Variants in RAB38 observed in about 807,000 individuals in gnomAD.
RAB38 encodes the protein RAB38, member RAS oncogene family, also known as ras-related protein Rab-38.
Under a neutral mutation model 18.4 loss-of-function variants are expected in RAB38, and 15 were observed. That is an observed-to-expected ratio of 0.82 (90% CI 0.55 to 1.26). The LOEUF (loss-of-function observed/expected upper bound fraction) is 1.26, where lower values mean the gene tolerates loss of function less well. Among genes scored for constraint, RAB38 ranks in the 50% most tolerant of loss-of-function variants. The pLI is 0.00. For synonymous variants in RAB38, 101 were observed against 104.4 expected (o/e 0.97, Z 0.20); for missense variants, 294 against 267.4 (o/e 1.10, Z -0.69).
At chr11:88,052,365 G>C in the RAB38 span, among the ~76,000 whole-genome samples, 103 of 152,234 alleles carry the variant, frequency 6.8e-4, 1 homozygote, top group African/African-American at 2.4e-3. Flanking sequence ...GAAGAGTTTG[G>C]TGCTGAAAAT....
intron 2 of RAB38, among the ~76,000 whole-genome samples, chr11:88,118,636 ACT>A (rs1463118425): frequency 1.3e-5 from 2 of 152,158 alleles, no homozygotes; most frequent in Non-Finnish European, 2.9e-5. Flanking sequence ...AAATGTATAT[ACT>A]CTGACTTCCA....
At chr11:88,029,137 T>C in the RAB38 span, among the ~76,000 whole-genome samples, 1 of 151,936 alleles carries the variant, frequency 6.6e-6, no homozygotes, top group Non-Finnish European at 1.5e-5. Flanking sequence ...CTAAGCTTCA[T>C]AAGCGAAGGA....
chr11:88,138,049 G>C (rs931752645), intron 2 of RAB38, among the ~76,000 whole-genome samples: 1 of 152,180 alleles, frequency 6.6e-6, no homozygotes, highest in Admixed American at 6.5e-5. Context: ...AGGAGGCTAT[G>C]TTCCAGCAAA....
At chr11:87,826,432 C>A in the RAB38 span, among the ~76,000 whole-genome samples, 3 of 151,990 alleles carry the variant, frequency 2.0e-5, no homozygotes, top group Non-Finnish European at 4.4e-5. Flanking sequence ...TCTTTTATTA[C>A]TTAAAAGCAT....
At chr11:88,073,900 C>T in the RAB38 span, among the ~76,000 whole-genome samples, 1 of 151,604 alleles carries the variant, frequency 6.6e-6, no homozygotes, top group African/African-American at 2.4e-5. Flanking sequence ...CTGGAAAATT[C>T]ACTAGAGAGT....
the RAB38 span, among the ~76,000 whole-genome samples, chr11:87,884,267 T>A: frequency 6.6e-6 from 1 of 152,060 alleles, no homozygotes; most frequent in South Asian, 2.1e-4. Context: ...AGAGTGGGGA[T>A]ATGTGTCAGA....
the RAB38 span, among the ~76,000 whole-genome samples, chr11:88,045,330 T>C: frequency 4.6e-5 from 7 of 152,160 alleles, 1 homozygote; most frequent in South Asian, 1.4e-3. Context: ...AGTAGCAACA[T>C]ATTTCTGAGT....
downstream of RAB38, among the ~76,000 whole-genome samples, chr11:88,108,732 T>C (rs182767420): frequency 6.6e-6 from 1 of 152,222 alleles, no homozygotes; most frequent in Admixed American, 6.5e-5. Context: ...AGTTTCTTCA[T>C]AGTGTCGATG....
the RAB38 span, among the ~76,000 whole-genome samples, chr11:87,940,196 A>C: frequency 6.6e-6 from 1 of 151,204 alleles, no homozygotes; most frequent in Non-Finnish European, 1.5e-5. Context: ...AGAGAGGGAG[A>C]AAAGCAGCAT....
At chr11:88,152,425 G>T (rs1437334208) in intron 1 of RAB38, among the ~76,000 whole-genome samples, 1 of 152,230 alleles carries the variant, frequency 6.6e-6, no homozygotes, top group Non-Finnish European at 1.5e-5. Flanking sequence ...ATATGTGTGT[G>T]TGTGTATATA....
At chr11:88,031,326 G>A in the RAB38 span, among the ~76,000 whole-genome samples, 43 of 148,586 alleles carry the variant, frequency 2.9e-4, no homozygotes, top group African/African-American at 1.0e-3. Context: ...CACAAGACAG[G>A]GATGTCCTCT....
chr11:87,978,018 T>A, the RAB38 span, among the ~76,000 whole-genome samples: 30 of 83,330 alleles, frequency 3.6e-4, no homozygotes, highest in East Asian at 9.1e-3. Context: ...ATTATATAAA[T>A]ATATACTTAC....
At chr11:88,088,753 G>C in the RAB38 span, among the ~76,000 whole-genome samples, 2 of 151,694 alleles carry the variant, frequency 1.3e-5, no homozygotes, top group African/African-American at 4.8e-5. Flanking sequence ...GGTATCATTA[G>C]TCCTTTAAAT....
At chr11:87,868,973 G>A in the RAB38 span, among the ~76,000 whole-genome samples, 97 of 151,804 alleles carry the variant, frequency 6.4e-4, no homozygotes, top group African/African-American at 2.2e-3. Context: ...GACTGGAACT[G>A]TTTGTGCTCC....
chr11:87,967,530 A>G, the RAB38 span, among the ~76,000 whole-genome samples: 1 of 152,186 alleles, frequency 6.6e-6, no homozygotes, highest in East Asian at 1.9e-4. Context: ...TGAAGGAGAT[A>G]GTGATCCCAC....
At chr11:88,042,157 T>C in the RAB38 span, among the ~76,000 whole-genome samples, 1 of 152,162 alleles carries the variant, frequency 6.6e-6, no homozygotes, top group Admixed American at 6.6e-5. Flanking sequence ...AAAATACCAT[T>C]TCTAAGAAAT....
chr11:88,014,829 C>T, the RAB38 span, among the ~76,000 whole-genome samples: 1 of 152,060 alleles, frequency 6.6e-6, no homozygotes, highest in Admixed American at 6.6e-5. Context: ...GAGGTACAAC[C>T]CTCAGGGCAC....
chr11:87,956,732 A>T, the RAB38 span, among the ~76,000 whole-genome samples: 6 of 151,930 alleles, frequency 3.9e-5, no homozygotes, highest in Admixed American at 2.0e-4. Flanking sequence ...GTTATAAAAC[A>T]TTTTTTTTAA....
chr11:88,091,881 G>A, the RAB38 span, among the ~76,000 whole-genome samples: 1 of 151,938 alleles, frequency 6.6e-6, no homozygotes, highest in East Asian at 1.9e-4. Flanking sequence ...CTTGGCAACT[G>A]TAGAGGCTCT....
Sources: gnomAD v4.1 joint callset for allele counts (sites outside exome capture counted in the v4.1 genomes callset) on GRCh38, gnomAD v4.1.1 for gene constraint, MANE v1.5 for transcripts, NCBI Gene and HGNC (gene_info 2026-07-23, HGNC 2026-07-21) for gene names.